The following ERAP1 variants were observed in gnomAD, a reference collection of about 807,000 sequenced individuals.
The protein encoded by ERAP1 is endoplasmic reticulum aminopeptidase 1.
Under a neutral mutation model 103.7 loss-of-function variants are expected in ERAP1, and 86 were observed. That is an observed-to-expected ratio of 0.83 (90% CI 0.70 to 0.99). ERAP1 has a LOEUF of 0.99. Among genes scored for constraint, ERAP1 ranks in the 50% least tolerant of loss-of-function variants. The probability of loss-of-function intolerance (pLI) is 0.00; values close to 1 mark genes in which losing one functional copy is unlikely to be tolerated. For synonymous variants in ERAP1, 398 were observed against 402.4 expected (o/e 0.99, Z 0.13); for missense variants, 1,009 against 1,128.4 (o/e 0.89, Z 1.52).
chr5:96,811,639 C>T (rs1469811824), upstream of ERAP1, among the ~76,000 whole-genome samples: 3 of 152,216 alleles, frequency 2.0e-5, no homozygotes, highest in Admixed American at 2.0e-4. Context: ...AGTCAGTCTT[C>T]AGAGAGAGTC....
At chr5:96,776,657 A>G in intron 18 of ERAP1, 106 bp from the exon 19 acceptor site, 1 of 1,497,906 alleles carries the variant, frequency 6.7e-7, no homozygotes, top group Non-Finnish European at 9.0e-7. Context: ...AAAATTCTAT[A>G]TAGAAGGCAG....
chr5:96,919,260 T>C, the ERAP1 span: 2 of 152,474 alleles, frequency 1.3e-5, no homozygotes, highest in East Asian at 1.9e-4. Context: ...TGTGCCCCAA[T>C]ACAGTACACA....
the ERAP1 span, among the ~76,000 whole-genome samples, chr5:96,851,471 C>T: frequency 6.6e-6 from 1 of 152,146 alleles, no homozygotes; most frequent in African/African-American, 2.4e-5. Context: ...GCATTTAGCA[C>T]GGTCTCCTAC....
At chr5:96,772,123 T>C (rs952999788), downstream of ERAP1, 1 of 154,470 alleles carries the variant, frequency 6.5e-6, no homozygotes, top group African/African-American at 2.4e-5. Context: ...AAGTACCCTT[T>C]AGAGTCTGGT....
chr5:96,786,566 G>A lies in ERAP1; in HGVS notation c.1680-17C>T. The stretch of plus-strand genomic sequence containing the variant: ...CACAGGTACCTAAAATAAAGGAGAG[G>A]TGGATTGTTCATTTGTTGATTCAAT... On this transcript the variant is annotated splice_polypyrimidine_tract_variant and intron_variant, in intron 11 of 18. Coordinates refer to ENST00000443439, the MANE Select transcript of ERAP1 (RefSeq NM_001040458.3). 6.6e-7 allele frequency: 1 copy of A among 1,514,686 alleles called. No individual in the cohort carries two copies. The highest frequency in any genetic ancestry group is 2.2e-5 in the East Asian group (1 of 44,546). 93.8% of individuals were successfully genotyped at this position (1,514,686 alleles called of 1,614,324 possible). A position where few individuals can be genotyped will look rare whatever the true frequency, so the allele number is the denominator to read the frequency against.
the ERAP1 span, among the ~76,000 whole-genome samples, chr5:96,837,462 C>T: frequency 6.6e-6 from 1 of 152,218 alleles, no homozygotes; most frequent in Non-Finnish European, 1.5e-5. Flanking sequence ...GCAGGAGCTT[C>T]AGCCAGGGTG....
the ERAP1 span, chr5:96,879,985 G>T: frequency 6.2e-7 from 1 of 1,614,048 alleles, no homozygotes; most frequent in Non-Finnish European, 8.5e-7. Flanking sequence ...TCGAAGTCTT[G>T]GTCAGCAATG....
At chr5:96,853,750 T>C in the ERAP1 span, among the ~76,000 whole-genome samples, 6 of 151,740 alleles carry the variant, frequency 4.0e-5, no homozygotes, top group Non-Finnish European at 5.9e-5. Flanking sequence ...GATCACCCAC[T>C]TCATGTAGTA....
chr5:96,930,297 C>T, the ERAP1 span, among the ~76,000 whole-genome samples: 5,740 of 152,274 alleles, frequency 0.038, 139 homozygotes, highest in South Asian at 0.07. Context: ...TCCTCTGCTT[C>T]ACCTTTTGAT....
chr5:96,790,220 G>T, intron 10 of ERAP1, 76 bp downstream of exon 10: 1 of 1,306,698 alleles, frequency 7.7e-7, no homozygotes, highest in South Asian at 1.2e-5. Context: ...CAGAAAGTTT[G>T]GCACAGAGCT....
chr5:96,849,100 T>G, the ERAP1 span, among the ~76,000 whole-genome samples: 1 of 152,112 alleles, frequency 6.6e-6, no homozygotes, highest in Admixed American at 6.5e-5. Context: ...AAACTCTCAA[T>G]AATATAGGCA....
chr5:96,794,803 C>T (rs1043193015), intron 5 of ERAP1, among the ~76,000 whole-genome samples: 1 of 152,090 alleles, frequency 6.6e-6, no homozygotes, highest in Non-Finnish European at 1.5e-5. Context: ...CAAAAGAGTC[C>T]CCATGCCATA....
the ERAP1 span, among the ~76,000 whole-genome samples, chr5:96,924,039 T>C: frequency 1.3e-5 from 2 of 152,146 alleles, no homozygotes; most frequent in Non-Finnish European, 2.9e-5. Context: ...GTTACACAGA[T>C]GTCATTTGAT....
chr5:96,788,980 G>T (rs1208179863), intron 10 of ERAP1, among the ~76,000 whole-genome samples: 1 of 152,172 alleles, frequency 6.6e-6, no homozygotes, highest in African/African-American at 2.4e-5. Flanking sequence ...AAGCAGGCAT[G>T]TGAATGAATG....
At chr5:96,913,547 T>A in the ERAP1 span, 22,001 of 1,411,962 alleles carry the variant, frequency 0.016, 222 homozygotes, top group Non-Finnish European at 0.019. Context: ...TCTCAAAGCA[T>A]ATAAATAATA....
chr5:96,855,546 G>C, the ERAP1 span, among the ~76,000 whole-genome samples: 1 of 152,184 alleles, frequency 6.6e-6, no homozygotes, highest in African/African-American at 2.4e-5. Context: ...CGATTGCATA[G>C]AACTCTGTGA....
rs150789101 is a variant in ERAP1 at position 96,776,465 on chromosome 5, G to T, written c.2757C>A (p.Ile919=). Reference sequence around the variant, plus strand: ...TATCAAAATTCTTATCCATCCAACCGATGTTTTCTTCAATGGTTTCAATTG... The same window carrying T: ...TATCAAAATTCTTATCCATCCAACCTATGTTTTCTTCAATGGTTTCAATTG... The part of the protein sequence containing the change: ...QQTIETIEEN[I]GWMDKNFDKI... The change falls in exon 19 of 19, where the codon ATC becomes ATA. Residue 919 remains isoleucine (I), a synonymous_variant. Coordinates refer to ENST00000443439, the MANE Select transcript of ERAP1 (RefSeq NM_001040458.3). The T allele has an allele frequency of 1.9e-5, 30 of 1,614,050 alleles. No individual in the cohort carries two copies. Among genetic ancestry groups the T allele is most frequent in the African/African-American group, 2.7e-5 (2 of 74,940 alleles).
At chr5:96,857,296 G>A in the ERAP1 span, among the ~76,000 whole-genome samples, 2 of 152,158 alleles carry the variant, frequency 1.3e-5, no homozygotes, top group Non-Finnish European at 2.9e-5. Context: ...GCACACACAT[G>A]TCACACTGGG....
intron 3 of ERAP1, 151 bp downstream of exon 3, chr5:96,800,711 C>A: frequency 1.2e-6 from 1 of 855,708 alleles, no homozygotes. Context: ...TGGCTTGAAA[C>A]AAAAGCATAG....
Sources: gnomAD v4.1 joint callset for allele counts (sites outside exome capture counted in the v4.1 genomes callset) on GRCh38, gnomAD v4.1.1 for gene constraint, MANE v1.5 for transcripts, NCBI Gene and HGNC (gene_info 2026-07-23, HGNC 2026-07-21) for gene names.